The following TTC29 variants were observed in gnomAD, a reference collection of about 807,000 sequenced individuals.
The protein encoded by TTC29 is tetratricopeptide repeat protein 29.
A neutral mutation model predicts 58.1 loss-of-function variants in TTC29; 49 were observed. The observed-to-expected ratio is 0.84, with a 90% CI of 0.67 to 1.07. TTC29 has a LOEUF of 1.07. Ranked by LOEUF, TTC29 falls within the 50% of genes least tolerant of loss-of-function variation. The pLI, the probability that TTC29 is intolerant of heterozygous loss-of-function variation, is 0.00. For missense variants in TTC29, 582 were observed against 555.6 expected (o/e 1.05, Z -0.48); for synonymous variants, 209 against 196.8 (o/e 1.06, Z -0.52).
At position 146,715,998 on chromosome 4, in the gene TTC29, C is replaced by T. The variant is rs74794662; in HGVS notation, c.1331-8447G>A. ...GGTTGTGAAAAGTTAAAGATATACA[C>T]TGATCATTATTTTTGTTTTTACATT... is the stretch of plus-strand genomic sequence containing the variant. On this transcript the variant is annotated intron_variant, in intron 11 of 12. Coordinates refer to ENST00000325106, the MANE Select transcript of TTC29 (RefSeq NM_031956.4). Among the ~76,000 whole-genome samples the T allele has an allele frequency of 7.0e-3, 1,059 of 152,156 alleles. 12 individuals carry two copies. The highest frequency in any genetic ancestry group is 0.023 in the African/African-American group (955 of 41,516).
In TTC29 at chr4:146,803,629, C is replaced by G. The variant is rs765260534; in HGVS notation, c.1158G>C (p.Glu386Asp). 6.2e-7 allele frequency: 1 copy of G among 1,609,104 alleles called. No homozygotes were observed. The highest frequency in any genetic ancestry group is 2.2e-5 in the East Asian group (1 of 44,798). Reference sequence around the variant, plus strand: ...CATCCATCAGAGGCATGCTCATTAGCTCTACTGTTGTGTCAAAAGCTTGCT... The same window carrying G: ...CATCCATCAGAGGCATGCTCATTAGGTCTACTGTTGTGTCAAAAGCTTGCT... The part of the protein sequence containing the change: ...CFQQAFDTTV[E>D]LMSMPLMDET... Residue 386 changes from glutamate (E) to aspartate (D), a missense_variant, in exon 11 of 13, where the codon GAG becomes GAC. Physicochemically the swap from Glu to Asp is conservative, Grantham distance 45. Transcript: ENST00000325106.
chr4:146,844,800 G>A (rs1475885134), intron 8 of TTC29, among the ~76,000 whole-genome samples: 2 of 152,158 alleles, frequency 1.3e-5, no homozygotes, highest in East Asian at 3.8e-4. Context: ...GAGGCAGCCT[G>A]ATACAAAAAT....
At chr4:146,740,156 C>T (rs916988876) in intron 11 of TTC29, among the ~76,000 whole-genome samples, 1 of 152,138 alleles carries the variant, frequency 6.6e-6, no homozygotes. Context: ...AGCAAACCTC[C>T]GTTGCATGGA....
intron 11 of TTC29, among the ~76,000 whole-genome samples, chr4:146,730,485 T>C (rs1468592169): frequency 2.6e-5 from 4 of 152,160 alleles, no homozygotes; most frequent in African/African-American, 9.7e-5. Flanking sequence ...AAATTGGATA[T>C]AATAATTAGA....
intron 6 of TTC29, among the ~76,000 whole-genome samples, chr4:146,892,434 A>G (rs899780121): frequency 1.3e-5 from 2 of 152,212 alleles, no homozygotes; most frequent in Non-Finnish European, 2.9e-5. Context: ...GACAAAAACC[A>G]TACGATTCTC....
At chr4:146,812,490 T>C (rs1366082708) in intron 10 of TTC29, among the ~76,000 whole-genome samples, 5 of 152,206 alleles carry the variant, frequency 3.3e-5, no homozygotes, top group African/African-American at 1.2e-4. Flanking sequence ...CACTCAAGTT[T>C]TTGAGGTTAC....
Position 146,734,855 on chromosome 4 carries a change from T to C in TTC29, c.1331-27304A>G, listed in dbSNP as rs143819559. Among the ~76,000 whole-genome samples the C allele has an allele frequency of 4.0e-5, 6 of 151,662 alleles. No homozygotes were observed. The East Asian group carries it at 1.2e-3, about 30-fold the overall frequency. ...ACATATGGTTTGGGAAGAGAAAGGA[T>C]AAAAGGGTGGGGGTTGAGGAATATT... On this transcript the variant is annotated intron_variant, in intron 11 of 12. Transcript: ENST00000325106.
intron 11 of TTC29, among the ~76,000 whole-genome samples, chr4:146,787,379 A>C (rs1237758926): frequency 6.6e-6 from 1 of 152,152 alleles, no homozygotes; most frequent in African/African-American, 2.4e-5. Flanking sequence ...TTCTTCTTAA[A>C]AATTGTATGC....
chr4:146,886,458 T>C (rs1014953171), intron 6 of TTC29, among the ~76,000 whole-genome samples: 11 of 152,088 alleles, frequency 7.2e-5, no homozygotes, highest in African/African-American at 2.7e-4. Context: ...CTGAATAGAC[T>C]AAAATGGCAT....
chr4:146,715,332 C>T (rs1198413819), intron 11 of TTC29, among the ~76,000 whole-genome samples: 1 of 152,194 alleles, frequency 6.6e-6, no homozygotes, highest in South Asian at 2.1e-4. Flanking sequence ...GCAGCACTAT[C>T]TACAATAGGT....
chr4:146,890,864 T>C (rs1456650011), intron 6 of TTC29, among the ~76,000 whole-genome samples: 1 of 152,168 alleles, frequency 6.6e-6, no homozygotes, highest in African/African-American at 2.4e-5. Flanking sequence ...TTTTGCTTTT[T>C]TTTAATGCCA....
At chr4:146,943,611 A>G (rs1270307478) in intron 2 of TTC29, among the ~76,000 whole-genome samples, 1 of 152,176 alleles carries the variant, frequency 6.6e-6, no homozygotes, top group Non-Finnish European at 1.5e-5. Flanking sequence ...TGGCCACATA[A>G]GGTATTTTGT....
chr4:146,820,013 T>C (rs1052906464), intron 10 of TTC29, 112 bp downstream of exon 10: 29 of 1,420,418 alleles, frequency 2.0e-5, no homozygotes, highest in Non-Finnish European at 2.7e-5. Context: ...AGGGCCATTC[T>C]GCATAATATA....
At chr4:146,846,771 C>A (rs1463136919) in intron 8 of TTC29, among the ~76,000 whole-genome samples, 1 of 152,180 alleles carries the variant, frequency 6.6e-6, no homozygotes, top group African/African-American at 2.4e-5. Context: ...GCAAAGCCAT[C>A]ATCTATTCAT....
At chr4:146,926,300 T>A (rs1734924734) in intron 4 of TTC29, among the ~76,000 whole-genome samples, 1 of 152,170 alleles carries the variant, frequency 6.6e-6, no homozygotes, top group South Asian at 2.1e-4. Context: ...AATTCTGTAG[T>A]CCTTCGCATC....
intron 6 of TTC29, among the ~76,000 whole-genome samples, chr4:146,888,027 C>A (rs1247806607): frequency 6.6e-6 from 1 of 151,800 alleles, no homozygotes; most frequent in African/African-American, 2.4e-5. Context: ...GTGATCTTAC[C>A]ACTTGGAAAG....
intron 4 of TTC29, among the ~76,000 whole-genome samples, chr4:146,928,237 C>T (rs7693186): frequency 0.015 from 2,231 of 152,106 alleles, 46 homozygotes; most frequent in African/African-American, 0.05. Flanking sequence ...AGTGTTAGAC[C>T]CAGACTGCCT....
intron 10 of TTC29, among the ~76,000 whole-genome samples, chr4:146,807,636 T>G (rs529915319): frequency 6.6e-6 from 1 of 152,114 alleles, no homozygotes; most frequent in Non-Finnish European, 1.5e-5. Flanking sequence ...CTAGAAAATA[T>G]AGAAGAAATG....
chr4:146,708,566 A>C (rs1742236183), intron 11 of TTC29, among the ~76,000 whole-genome samples: 1 of 150,994 alleles, frequency 6.6e-6, no homozygotes, highest in Non-Finnish European at 1.5e-5. Context: ...TTTGTTACTT[A>C]ACTTTAACTT....
Sources: gnomAD v4.1 joint callset for allele counts (sites outside exome capture counted in the v4.1 genomes callset) on GRCh38, gnomAD v4.1.1 for gene constraint, MANE v1.5 for transcripts, NCBI Gene and HGNC (gene_info 2026-07-23, HGNC 2026-07-21) for gene names.